Variants in TAF5L observed in about 807,000 individuals in gnomAD.
TAF5L encodes the protein TAF5-like RNA polymerase II p300/CBP-associated factor-associated factor 65 kDa subunit 5L.
Under a neutral mutation model 51.3 loss-of-function variants are expected in TAF5L, and 7 were observed. The ratio of observed to expected loss-of-function variants is 0.14; its 90% CI spans 0.08 to 0.26. The LOEUF is 0.26. TAF5L is among the 10% of genes least tolerant of loss of function. The pLI is 1.00. For missense variants in TAF5L, 575 were observed against 758.9 expected (o/e 0.76, Z 2.85); for synonymous variants, 291 against 308.1 (o/e 0.94, Z 0.58).
At chr1:229,604,992 C>G (rs1217363738) in intron 3 of TAF5L, among the ~76,000 whole-genome samples, 1 of 152,110 alleles carries the variant, frequency 6.6e-6, no homozygotes, top group East Asian at 1.9e-4. Flanking sequence ...GGCTGGAGTA[C>G]AGTGGCGCGA....
At chr1:229,615,860 A>C (rs897845710) in intron 1 of TAF5L, among the ~76,000 whole-genome samples, 1 of 152,190 alleles carries the variant, frequency 6.6e-6, no homozygotes, top group Non-Finnish European at 1.5e-5. Flanking sequence ...ATACACACAC[A>C]ATCATCCCAA....
At chr1:229,623,013 G>A (rs113898985) in intron 1 of TAF5L, among the ~76,000 whole-genome samples, 1 of 152,240 alleles carries the variant, frequency 6.6e-6, no homozygotes, top group East Asian at 1.9e-4. Context: ...ACGGTGGCTC[G>A]GGCCTGTAAT....
chr1:229,595,668 A>C (rs927551492), intron 4 of TAF5L, among the ~76,000 whole-genome samples: 4 of 151,918 alleles, frequency 2.6e-5, no homozygotes, highest in Admixed American at 2.0e-4. Flanking sequence ...GTATCACTTC[A>C]AGATTTTTTT....
At chr1:229,621,812 C>T (rs951766759) in intron 1 of TAF5L, among the ~76,000 whole-genome samples, 2 of 152,184 alleles carry the variant, frequency 1.3e-5, no homozygotes, top group African/African-American at 4.8e-5. Context: ...TTCACTCCAA[C>T]TGTTCATGAA....
intron 1 of TAF5L, among the ~76,000 whole-genome samples, chr1:229,616,138 C>T (rs1191535843): frequency 6.6e-6 from 1 of 152,054 alleles, no homozygotes; most frequent in East Asian, 1.9e-4. Flanking sequence ...CTTAGACTCC[C>T]GAGTAGCTGG....
intron 1 of TAF5L, among the ~76,000 whole-genome samples, chr1:229,617,426 G>A (rs541964198): frequency 3.3e-5 from 5 of 152,252 alleles, no homozygotes; most frequent in African/African-American, 1.2e-4. Context: ...CCTACTCTGC[G>A]GGCTTTCCCA....
chr1:229,600,509 T>A (rs1664331773), intron 4 of TAF5L: 1 of 985,296 alleles, frequency 1.0e-6, no homozygotes, highest in African/African-American at 1.7e-5. Flanking sequence ...CTCTCCCTTA[T>A]CCCCTACAGT....
intron 3 of TAF5L, among the ~76,000 whole-genome samples, chr1:229,609,187 C>T (rs1014740410): frequency 2.6e-5 from 4 of 152,144 alleles, no homozygotes; most frequent in African/African-American, 7.2e-5. Context: ...AAGTAAATCA[C>T]CAAATGTATA....
At chr1:229,609,489 T>C (rs1664713579) in intron 3 of TAF5L, among the ~76,000 whole-genome samples, 1 of 152,196 alleles carries the variant, frequency 6.6e-6, no homozygotes, top group African/African-American at 2.4e-5. Flanking sequence ...ATTTATCTTC[T>C]GGGGCTCTTA....
At chr1:229,601,181 C>T (rs1190199027) in intron 4 of TAF5L, 2 of 985,278 alleles carry the variant, frequency 2.0e-6, no homozygotes, top group African/African-American at 3.5e-5. Flanking sequence ...AAAGGCCATC[C>T]TAACTGGAAG....
At chr1:229,595,394 C>T (rs1424955264) in intron 4 of TAF5L, among the ~76,000 whole-genome samples, 1 of 152,150 alleles carries the variant, frequency 6.6e-6, no homozygotes. Flanking sequence ...TGACTGTGGA[C>T]CTTACCCTTT....
intron 4 of TAF5L, chr1:229,600,810 TCTA>T (rs1229774873): frequency 5.1e-6 from 5 of 985,298 alleles, no homozygotes; most frequent in Non-Finnish European, 6.0e-6. Context: ...TTTATTTTGG[TCTA>T]CTGTTATCAG....
intron 3 of TAF5L, among the ~76,000 whole-genome samples, chr1:229,604,218 C>T (rs1180948353): frequency 6.7e-6 from 1 of 148,294 alleles, no homozygotes; most frequent in African/African-American, 2.5e-5. Context: ...GGGTTTAAGA[C>T]TGAGGAATAC....
chr1:229,600,199 C>A (rs576375010), intron 4 of TAF5L: 1 of 985,358 alleles, frequency 1.0e-6, no homozygotes, highest in African/African-American at 1.7e-5. Flanking sequence ...TCCCCAAATG[C>A]TTGTTGTCAG....
In TAF5L at chr1:229,625,980, G is replaced by C. The variant is rs1665447022; in HGVS notation, c.-99C>G. ...CGTCTCTGCCGCAGGGTCTCACTCC[G>C]ACGGCCGGCTCAGCTGGGCCCCCGC... On this transcript the variant is annotated 5_prime_UTR_variant, in exon 1 of 5. Coordinates refer to ENST00000258281, the Ensembl canonical transcript of TAF5L. This position sits in a 1 kb window ranked among gnomAD's most constrained non-coding sequence, Gnocchi z 4.0. 1 of 147,036 alleles carries C rather than the reference G, an allele frequency of 6.8e-6. No individual in the cohort carries two copies. The highest frequency in any genetic ancestry group is 1.5e-5 in the Non-Finnish European group (1 of 65,876). The allele number at this position is 147,036 out of a possible 1,614,324, so 9.1% of individuals were successfully genotyped here.
At chr1:229,599,273 C>CT in intron 4 of TAF5L, 5 of 755,432 alleles carry the variant, frequency 6.6e-6, no homozygotes, top group Non-Finnish European at 7.8e-6. Context: ...TACTGTTATC[C>CT]TGTTTTTTTT....
intron 3 of TAF5L, chr1:229,606,996 G>C (rs756460089): frequency 3.0e-6 from 3 of 985,258 alleles, no homozygotes; most frequent in Non-Finnish European, 3.6e-6. Context: ...CCATGTAGCT[G>C]ATGCTACATG....
intron 1 of TAF5L, among the ~76,000 whole-genome samples, chr1:229,615,367 G>A (rs1664942878): frequency 1.3e-5 from 2 of 151,850 alleles, no homozygotes; most frequent in Non-Finnish European, 2.9e-5. Context: ...GATTACAGGC[G>A]TGAGCCACCG....
At chr1:229,618,134 G>GA (rs576388442) in intron 1 of TAF5L, among the ~76,000 whole-genome samples, 7 of 151,980 alleles carry the variant, frequency 4.6e-5, no homozygotes, top group Non-Finnish European at 5.9e-5. Context: ...GACAAGTGAA[G>GA]AAAAAAAACT....
Sources: gnomAD v4.1 joint callset for allele counts (sites outside exome capture counted in the v4.1 genomes callset) on GRCh38, gnomAD v4.1.1 for gene constraint, Gnocchi (gnomAD v3.1) non-coding constraint, MANE v1.5 for transcripts, NCBI Gene and HGNC (gene_info 2026-07-23, HGNC 2026-07-21) for gene names.